FRMPD4: variants seen among roughly 807,000 people sequenced by gnomAD.
FRMPD4 encodes the protein FERM and PDZ domain containing 4, also known as FERM and PDZ domain-containing protein 4.
FRMPD4 carries 22 observed loss-of-function variants against 94.1 expected under a neutral mutation model. The ratio of observed to expected loss-of-function variants is 0.23; its 90% CI spans 0.17 to 0.33. FRMPD4 has a LOEUF of 0.33. Ranked by LOEUF, FRMPD4 falls within the 10% of genes least tolerant of loss-of-function variation. The pLI, the probability that FRMPD4 is intolerant of heterozygous loss-of-function variation, is 1.00. For synonymous variants in FRMPD4, 631 were observed against 548.6 expected, an observed-to-expected ratio of 1.15 and a Z score of -2.10; for missense variants, 1,111 against 1,339.9, an observed-to-expected ratio of 0.83 and a Z score of 2.67.
At chrX:11,862,792 G>A in intron 1 of FRMPD4, among the ~76,000 whole-genome samples, 1 of 110,338 alleles carries the variant, frequency 9.1e-6, no homozygotes, top group Non-Finnish European at 1.9e-5. Context: ...TTAGCTTGCT[G>A]AGCTTTGTCC....
At chrX:12,400,328 T>C (rs2056593862) in intron 1 of FRMPD4, among the ~76,000 whole-genome samples, 1 of 112,300 alleles carries the variant, frequency 8.9e-6, no homozygotes, top group South Asian at 3.7e-4. Context: ...GCAACCACTG[T>C]CTTCTTTTGG....
At chrX:11,918,464 C>T (rs141310371) in intron 3 of FRMPD4, among the ~76,000 whole-genome samples, 4,033 of 111,846 alleles carry the variant, frequency 0.036, 181 homozygotes, top group African/African-American at 0.12. Context: ...ATTAGCCAGG[C>T]GTGGTGGCAC....
chrX:11,980,288 C>T (rs966447662), intron 3 of FRMPD4, among the ~76,000 whole-genome samples: 1 of 111,522 alleles, frequency 9.0e-6, no homozygotes, highest in Non-Finnish European at 1.9e-5. Context: ...CTCTGCAGCA[C>T]GTTTAAGGCC....
intron 1 of FRMPD4, among the ~76,000 whole-genome samples, chrX:12,427,455 A>G (rs775240436): frequency 4.8e-4 from 53 of 111,203 alleles, no homozygotes; most frequent in African/African-American, 1.7e-3. Flanking sequence ...TGATGAAAAC[A>G]GAGGGATGGA....
intron 3 of FRMPD4, among the ~76,000 whole-genome samples, chrX:12,102,178 G>C (rs2055261180): frequency 9.0e-6 from 1 of 111,691 alleles, no homozygotes; most frequent in Non-Finnish European, 1.9e-5. Flanking sequence ...GTAAATGTGG[G>C]CCTTGAAATT....
At chrX:12,369,400 T>G (rs1460835039) in intron 1 of FRMPD4, among the ~76,000 whole-genome samples, 2 of 111,608 alleles carry the variant, frequency 1.8e-5, no homozygotes, top group East Asian at 5.6e-4. Context: ...CTGAATTGAT[T>G]TCAAATTAAA....
At chrX:12,072,878 A>T (rs930926937) in intron 3 of FRMPD4, among the ~76,000 whole-genome samples, 1 of 109,505 alleles carries the variant, frequency 9.1e-6, no homozygotes, top group East Asian at 2.8e-4. Flanking sequence ...ATAACTGGCA[A>T]CCTGAGGGTG....
intron 5 of FRMPD4, among the ~76,000 whole-genome samples, chrX:12,678,446 C>G (rs1361987553): frequency 8.9e-6 from 1 of 112,134 alleles, no homozygotes; most frequent in Non-Finnish European, 1.9e-5. Context: ...TTGGCCAGCT[C>G]CTTCCTTTTT....
chrX:12,084,714 T>C (rs1601926931), intron 3 of FRMPD4, among the ~76,000 whole-genome samples: 2 of 112,397 alleles, frequency 1.8e-5, no homozygotes, highest in East Asian at 2.8e-4. Flanking sequence ...TAAAAGCATC[T>C]TCTTACATAG....
At chrX:12,628,257 T>C (rs1485516686) in intron 4 of FRMPD4, among the ~76,000 whole-genome samples, 3 of 111,970 alleles carry the variant, frequency 2.7e-5, no homozygotes, top group Non-Finnish European at 3.8e-5. Context: ...CTGTTTTCCT[T>C]AGAGCTGAGT....
At chrX:12,516,488 G>C (rs1488611523) in intron 2 of FRMPD4, among the ~76,000 whole-genome samples, 1 of 112,162 alleles carries the variant, frequency 8.9e-6, no homozygotes, top group Non-Finnish European at 1.9e-5. Flanking sequence ...GAAATTCCGG[G>C]TTGGAAATTC....
chrX:12,083,640 C>G (rs903593465), intron 3 of FRMPD4, among the ~76,000 whole-genome samples: 1 of 112,503 alleles, frequency 8.9e-6, no homozygotes, highest in Non-Finnish European at 1.9e-5. Context: ...ACACTCAATG[C>G]CAGCCTGTGA....
intron 1 of FRMPD4, among the ~76,000 whole-genome samples, chrX:12,334,069 T>C (rs973517509): frequency 9.0e-6 from 1 of 111,706 alleles, no homozygotes; most frequent in Non-Finnish European, 1.9e-5. Flanking sequence ...TCATATACTT[T>C]TATTGGGAGA....
intron 3 of FRMPD4, among the ~76,000 whole-genome samples, chrX:12,073,640 G>C (rs760877683): frequency 8.9e-6 from 1 of 112,117 alleles, no homozygotes; most frequent in African/African-American, 3.2e-5. Flanking sequence ...TCTTAAACTA[G>C]ATAGAGCCAG....
chrX:12,692,161 G>A (rs1403810123), intron 8 of FRMPD4, among the ~76,000 whole-genome samples: 1 of 112,269 alleles, frequency 8.9e-6, no homozygotes. Context: ...TCTGATGCTA[G>A]GTAAACACAA....
intron 3 of FRMPD4, among the ~76,000 whole-genome samples, chrX:12,120,888 T>C (rs765330946): frequency 5.4e-5 from 6 of 110,905 alleles, no homozygotes; most frequent in African/African-American, 1.6e-4. Flanking sequence ...TGTGTCATGA[T>C]TGACCACTTT....
intron 3 of FRMPD4, among the ~76,000 whole-genome samples, chrX:12,110,513 A>G (rs2055349542): frequency 8.9e-6 from 1 of 111,820 alleles, no homozygotes; most frequent in African/African-American, 3.3e-5. Flanking sequence ...CTGGCACAAG[A>G]CAGGGATGCC....
intron 3 of FRMPD4, among the ~76,000 whole-genome samples, chrX:12,030,947 A>G (rs1012475489): frequency 8.9e-6 from 1 of 111,959 alleles, no homozygotes; most frequent in African/African-American, 3.2e-5. Context: ...AGGATGATTG[A>G]TAATGTTTAT....
intron 3 of FRMPD4, among the ~76,000 whole-genome samples, chrX:11,916,139 C>T (rs953782291): frequency 1.8e-5 from 2 of 110,239 alleles, no homozygotes; most frequent in Non-Finnish European, 3.8e-5. Context: ...GGAGGGTATT[C>T]CAGGCATGTG....
Sources: allele counts gnomAD v4.1 joint callset (sites outside exome capture counted in the v4.1 genomes callset), GRCh38; gene constraint gnomAD v4.1.1; transcripts MANE v1.5; gene names NCBI Gene and HGNC (gene_info 2026-07-23, HGNC 2026-07-21).